Variants in GOLGA6L2 observed in about 807,000 individuals in gnomAD.
The protein encoded by GOLGA6L2 is golgin subfamily A member 6-like protein 2.
A neutral mutation model predicts 35.9 loss-of-function variants in GOLGA6L2; 30 were observed. That is an observed-to-expected ratio of 0.83 (90% CI 0.62 to 1.13). GOLGA6L2 has a LOEUF of 1.13. GOLGA6L2 is among the 50% of genes most tolerant of loss of function. GOLGA6L2 has a pLI of 0.00. For synonymous variants in GOLGA6L2, 297 were observed against 344.0 expected, an observed-to-expected ratio of 0.86 and a Z score of 1.51; for missense variants, 821 against 973.4, an observed-to-expected ratio of 0.84 and a Z score of 2.08.
chr15:23,444,487 C>A lies in GOLGA6L2; in HGVS notation c.227G>T (p.Arg76Leu), dbSNP rs765580261. 6.3e-7 allele frequency: 1 copy of A among 1,599,906 alleles called. No individual in the cohort carries two copies. The highest frequency in any genetic ancestry group is 8.5e-7 in the Non-Finnish European group (1 of 1,179,772). Reference protein sequence around the residue: ...CHSPEDTQQNRAQLKEEKKAS... With the variant: ...CHSPEDTQQNLAQLKEEKKAS... ...TCACGTTACTTCTTTCAGCTGCGCT[C>A]GGTTCTGTTGTGTCTGTGGGGAGAG... is the stretch of plus-strand genomic sequence containing the variant. Residue 76 changes from arginine (R) to leucine (L), a missense_variant, in exon 3 of 8, where the codon CGA becomes CTA. Transcript: ENST00000567107.
In GOLGA6L2 at chr15:23,440,800, C is replaced by A; in HGVS notation, c.1675G>T (p.Val559Leu). ...CCCGCATCTTCTCCTCCTGCTCCCA[C>A]ATCTGCTTCTCCTGCTCCTGCAGCC... ...GEAAGAGEAD[V>L]GAGGEDAGSG... Residue 559 changes from valine (V) to leucine (L), a missense_variant, in exon 8 of 8, where the codon GTG (valine) becomes TTG (leucine). By Grantham distance (32) the Val-to-Leu change is conservative. Coordinates refer to ENST00000567107, the MANE Select transcript of GOLGA6L2 (RefSeq NM_001304388.2). The A allele has an allele frequency of 1.3e-6, 2 of 1,525,186 alleles. No individual in the cohort carries two copies. The highest frequency in any genetic ancestry group is 8.8e-7 in the Non-Finnish European group (1 of 1,132,926). 94.5% of individuals were successfully genotyped at this position (1,525,186 alleles called of 1,614,324 possible).
Position 23,443,910 on chromosome 15 carries a change from C to T in GOLGA6L2, c.458G>A (p.Gly153Asp), listed in dbSNP as rs767156508. 1.9e-6 allele frequency: 3 copies of T among 1,546,764 alleles called. No individual in the cohort carries two copies. Among genetic ancestry groups the T allele is most frequent in the Admixed American group, 3.8e-5 (2 of 51,980 alleles). ...TGGAATGAGAGAGGTTGAGACACAG[C>T]CCAAAGGACTCCCCCTAAAGGCCTG... ...LSQAFRGSPLGCVSTSLIPGE... is the reference protein window; with the variant it reads ...LSQAFRGSPLDCVSTSLIPGE... Residue 153 changes from glycine (G) to aspartate (D), a missense_variant, in exon 5 of 8, where the codon GGC becomes GAC. Physicochemically the swap from Gly to Asp is moderately conservative, Grantham distance 94 (BLOSUM62 -1). This residue lies in a region of GOLGA6L2 where 614 missense variants were observed against 632.3 expected (regional missense o/e 0.97). Transcript: ENST00000567107.
chr15:23,439,464 T>TTTC lies in GOLGA6L2; in HGVS notation c.*280_*281insGAA. 1 of 639,654 alleles carries TTTC rather than the reference T, an allele frequency of 1.6e-6. No homozygotes were observed. Among genetic ancestry groups the TTTC allele is most frequent in the South Asian group, 3.3e-5 (1 of 30,642 alleles). The allele number at this position is 639,654 out of a possible 1,614,324, so 39.6% of individuals were successfully genotyped here. A position where few individuals can be genotyped will look rare whatever the true frequency, so the allele number is the denominator to read the frequency against. ...TTTCTTTTCTTTTTTTTTTTTTTTT[T>TTTC]CAAGTTTGTGCTCAGACTATATTCA... On this transcript the variant is annotated 3_prime_UTR_variant, in exon 8 of 8. Coordinates refer to ENST00000567107, the MANE Select transcript of GOLGA6L2 (RefSeq NM_001304388.2).
At chr15:23,446,883 G>T (rs1886798437) in intron 1 of GOLGA6L2, among the ~76,000 whole-genome samples, 1 of 151,938 alleles carries the variant, frequency 6.6e-6, no homozygotes, top group Admixed American at 6.6e-5. Flanking sequence ...GGGTTCACCG[G>T]CTCAGTCACC....
chr15:23,445,360 CA>C lies in GOLGA6L2; in HGVS notation c.162del (p.Asn54LysfsTer26), dbSNP rs1416072360. On this transcript the variant is annotated frameshift_variant, in exon 2 of 8. Coordinates refer to ENST00000567107, the MANE Select transcript of GOLGA6L2 (RefSeq NM_001304388.2). LOFTEE classifies it high-confidence loss of function. ...GAAGTGGTTGTCTCAGGGTTAGTGC[CA>C]TTATTTATTTTCTTCTTTTTGGTGT... ...ATDTKKKKIN[N>X]GTNPETTTSE... The C allele has an allele frequency of 2.2e-6, 1 of 455,176 alleles. No homozygotes were observed. Among genetic ancestry groups the C allele is most frequent in the East Asian group, 8.1e-5 (1 of 12,370 alleles). The allele number at this position is 455,176 out of a possible 1,614,324, so 28.2% of individuals were successfully genotyped here. A position where few individuals can be genotyped will look rare whatever the true frequency, so the allele number is the denominator to read the frequency against.
In GOLGA6L2 at chr15:23,441,603, T is replaced by C; in HGVS notation, c.872A>G (p.Gln291Arg). ...CTCCTGTCTCCACATCTTCTCCTCC[T>C]GCTTCCGTATCTTCTTTTCCTGCTC... is the stretch of plus-strand genomic sequence containing the variant. ...LREQEKKIRK[Q>R]EEKMWRQEER... is the part of the protein sequence containing the mutation. Residue 291 changes from glutamine (Q) to arginine (R), a missense_variant, in exon 8 of 8, where the codon CAG (glutamine) becomes CGG (arginine). Physicochemically the swap from Gln to Arg is conservative, Grantham distance 43 (BLOSUM62 1). Transcript: ENST00000567107. 1.9e-6 allele frequency: 3 copies of C among 1,549,038 alleles called. No homozygotes were observed. Among genetic ancestry groups the C allele is most frequent in the Non-Finnish European group, 2.6e-6 (3 of 1,146,566 alleles).
rs1289397611 is a variant in GOLGA6L2 at position 23,442,565 on chromosome 15, C to A, written c.592-57G>T. The A allele has an allele frequency of 1.6e-5, 24 of 1,503,738 alleles. No individual in the cohort carries two copies. In the African/African-American group the frequency reaches 2.3e-4, roughly 15 times the overall value. 93.1% of individuals were successfully genotyped at this position (1,503,738 alleles called of 1,614,324 possible). A position where few individuals can be genotyped will look rare whatever the true frequency, so the allele number is the denominator to read the frequency against. ...AGCAGGCAGAAGAGCAGCTGGCCGACCAGGAACAACAGCTACACTGATACT... is the reference window on the plus strand; with the variant it reads ...AGCAGGCAGAAGAGCAGCTGGCCGAACAGGAACAACAGCTACACTGATACT... On this transcript the variant is annotated intron_variant, in intron 5 of 7. Transcript: ENST00000567107.
rs1255429107 is a variant in GOLGA6L2, at chr15:23,439,452, T to TC, written c.*292_*293insG. 10 of 670,162 alleles carry TC rather than the reference T, an allele frequency of 1.5e-5. No individual in the cohort carries two copies. Among genetic ancestry groups the TC allele is most frequent in the Admixed American group, 3.4e-5 (1 of 29,456 alleles). The allele number at this position is 670,162 out of a possible 1,614,324, so 41.5% of individuals were successfully genotyped here. On this transcript the variant is annotated 3_prime_UTR_variant, in exon 8 of 8. Transcript: ENST00000567107. ...TTTAAAGTAAATTTTCTTTTCTTTT[T>TC]TTTTTTTTTTTTCAAGTTTGTGCTC...
chr15:23,444,585 G>T, intron 2 of GOLGA6L2, 85 bp from the exon 3 acceptor site: 2 of 1,290,332 alleles, frequency 1.5e-6, no homozygotes, highest in Middle Eastern at 2.5e-4. Context: ...CAGGGGTCAG[G>T]AATGGATTTT....
chr15:23,439,677 G>T lies in GOLGA6L2; in HGVS notation c.*68C>A, dbSNP rs1024113377. 4 of 1,537,160 alleles carry T rather than the reference G, an allele frequency of 2.6e-6. No individual in the cohort carries two copies. The African/African-American group carries it at 5.5e-5, about 21-fold the overall frequency. Reference sequence around the variant, plus strand: ...AGCTGCATGATCTCCTGTGCAGTGGGGTTGTCCTGCGGAGAACCCTCCCCA... The same window carrying T: ...AGCTGCATGATCTCCTGTGCAGTGGTGTTGTCCTGCGGAGAACCCTCCCCA... On this transcript the variant is annotated 3_prime_UTR_variant, in exon 8 of 8. Coordinates refer to ENST00000567107, the MANE Select transcript of GOLGA6L2 (RefSeq NM_001304388.2).
At chr15:23,443,534 G>A (rs1028849014) in intron 5 of GOLGA6L2, among the ~76,000 whole-genome samples, 1 of 152,152 alleles carries the variant, frequency 6.6e-6, no homozygotes. Context: ...CCAAGTATGG[G>A]CAGGGCAGGC....
At chr15:23,443,111 G>A (rs1003408050) in intron 5 of GOLGA6L2, among the ~76,000 whole-genome samples, 4 of 152,110 alleles carry the variant, frequency 2.6e-5, no homozygotes, top group African/African-American at 9.7e-5. Context: ...AAGTTAAATG[G>A]TTGCCTAAGA....
At chr15:23,442,664 T>A (rs1185885187) in intron 5 of GOLGA6L2, among the ~76,000 whole-genome samples, 156 bp from the exon 6 acceptor site, 1 of 48,424 alleles carries the variant, frequency 2.1e-5, no homozygotes, top group East Asian at 8.1e-4. Flanking sequence ...TGGTCTCATT[T>A]TTTTTTCTTT....
intron 1 of GOLGA6L2, among the ~76,000 whole-genome samples, chr15:23,446,685 G>A (rs75062024): frequency 0.018 from 2,686 of 151,916 alleles, 84 homozygotes; most frequent in African/African-American, 0.057. Flanking sequence ...GGCTTGGGGC[G>A]ACGGGAGGTG....
Position 23,440,863 on chromosome 15 carries a change from TCTC to T in GOLGA6L2, c.1609_1611del (p.Glu537del). 2 of 1,428,182 alleles carry T rather than the reference TCTC, an allele frequency of 1.4e-6. No homozygotes were observed. The highest frequency in any genetic ancestry group is 1.8e-6 in the Non-Finnish European group (2 of 1,091,616). 88.5% of individuals were successfully genotyped at this position (1,428,182 alleles called of 1,614,324 possible). A position where few individuals can be genotyped will look rare whatever the true frequency, so the allele number is the denominator to read the frequency against. On this transcript the variant is annotated inframe_deletion, in exon 8 of 8. Coordinates refer to ENST00000567107, the MANE Select transcript of GOLGA6L2 (RefSeq NM_001304388.2). ...TCCACATCTTCCTGCTCCCGCATCT[TCTC>T]CTGCCGCCACATCTTCTTCTCCTGC...
At position 23,440,890 on chromosome 15, in the gene GOLGA6L2, G is replaced by A. The variant is rs763173178; in HGVS notation, c.1585C>T (p.Gln529Ter). 2.9e-6 allele frequency: 4 copies of A among 1,398,286 alleles called. No individual in the cohort carries two copies. The allele number at this position is 1,398,286 out of a possible 1,614,324, so 86.6% of individuals were successfully genotyped here. A position where few individuals can be genotyped will look rare whatever the true frequency, so the allele number is the denominator to read the frequency against. The change falls in exon 8 of 8, where the codon CAG becomes TAG. Residue 529 changes from glutamine to a stop codon, truncating the protein, a stop_gained. Transcript: ENST00000567107. LOFTEE classifies it low-confidence loss of function (END_TRUNC). The part of the protein sequence containing the change: ...KIRDQEEMWG[Q>*]EKKMWRQEKM... ...TCCTGCCGCCACATCTTCTTCTCCT[G>A]CCCCCACATCTCCTCCTGGTCCCGT...
At chr15:23,442,169 C>T (rs1195054783) in intron 6 of GOLGA6L2, 49 bp from the exon 7 acceptor site, 2 of 1,554,644 alleles carry the variant, frequency 1.3e-6, no homozygotes, top group East Asian at 2.3e-5. Context: ...ACAGAAAGGA[C>T]TGCTTTGGTG....
rs765966759 is a variant in GOLGA6L2 at position 23,440,898 on chromosome 15, A to ATCTTCTCCTCCTGGCCCCACCTCT, written c.1576_1577insAGAGGTGGGGCCAGGAGGAGAAGA (p.Glu525_Met526insLysArgTrpGlyGlnGluGluLys). ...CCACATCTTCTTCTCCTGCCCCCAC[A>ATCTTCTCCTCCTGGCCCCACCTCT]TCTCCTCCTGGTCCCGTATCTTCTC... On this transcript the variant is annotated inframe_insertion, in exon 8 of 8. Coordinates refer to ENST00000567107, the MANE Select transcript of GOLGA6L2 (RefSeq NM_001304388.2). 1 of 1,107,524 alleles carries ATCTTCTCCTCCTGGCCCCACCTCT rather than the reference A, an allele frequency of 9.0e-7. No individual in the cohort carries two copies. The allele number at this position is 1,107,524 out of a possible 1,614,324, so 68.6% of individuals were successfully genotyped here.
rs755122210 is a variant in GOLGA6L2, at chr15:23,444,188, G to A, written c.268C>T (p.Gln90Ter). The A allele has an allele frequency of 1.9e-6, 3 of 1,604,688 alleles. No individual in the cohort carries two copies. Among genetic ancestry groups the A allele is most frequent in the Non-Finnish European group, 1.7e-6 (2 of 1,179,188 alleles). ...TCTATCTCCCGCCTTAGGGCTTCCTGATGTTGGTGGCTTGCCTTCTTTTCC... is the reference window on the plus strand; with the variant it reads ...TCTATCTCCCGCCTTAGGGCTTCCTAATGTTGGTGGCTTGCCTTCTTTTCC... Reference protein sequence around the residue: ...KEEKKASHQHQEALRREIEAQ... With the variant: ...KEEKKASHQH Residue 90 changes from glutamine (Q) to a stop codon, truncating the protein, a stop_gained, in exon 4 of 8, where the codon CAG becomes TAG. Coordinates refer to ENST00000567107, the MANE Select transcript of GOLGA6L2 (RefSeq NM_001304388.2). LOFTEE classifies it high-confidence loss of function.
Sources: allele counts gnomAD v4.1 joint callset (sites outside exome capture counted in the v4.1 genomes callset), GRCh38; gene constraint gnomAD v4.1.1; regional missense constraint gnomAD v4.1.1; transcripts MANE v1.5; gene names NCBI Gene and HGNC (gene_info 2026-07-23, HGNC 2026-07-21).